The following C4BPB variants were observed in gnomAD, a reference collection of about 807,000 sequenced individuals.
C4BPB encodes complement component 4 binding protein beta, also known as C4b-binding protein beta chain.
A neutral mutation model predicts 26.6 loss-of-function variants in C4BPB; 19 were observed. That is an observed-to-expected ratio of 0.71 (90% CI 0.50 to 1.05). The LOEUF is 1.05. Among genes scored for constraint, C4BPB ranks in the 50% least tolerant of loss-of-function variants. The probability of loss-of-function intolerance (pLI) is 0.00; values close to 1 mark genes in which losing one functional copy is unlikely to be tolerated. For missense variants in C4BPB, 282 were observed against 302.9 expected (o/e 0.93, Z 0.51); for synonymous variants, 118 against 103.5 (o/e 1.14, Z -0.85).
chr1:207,091,138 T>G (rs1364534450), intron 3 of C4BPB, among the ~76,000 whole-genome samples: 1 of 152,218 alleles, frequency 6.6e-6, no homozygotes, highest in African/African-American at 2.4e-5. Context: ...ATTAGTTCTC[T>G]TGTATACCTA....
At position 207,090,388 on chromosome 1, in the gene C4BPB, T is replaced by TAA. The variant is rs746747445; in HGVS notation, c.140_141insAA (p.Tyr47Ter). Reference protein sequence around the residue: ...KEVEGQILGTYVCIKGYHLVG... With the variant: ...KEVEGQILGT ...GGTGGAAGGACAGATTCTGGGGACT[T>TAA]ACGTTTGTATCAAGGGCTACCACCT... Residue 47 changes from tyrosine (Y) to a stop codon, truncating the protein, a stop_gained and frameshift_variant, in exon 3 of 7, where the codon TAC (tyrosine) becomes TAAAC (stop). Transcript: ENST00000367078. LOFTEE classifies it high-confidence loss of function. 1 of 1,614,052 alleles carries TAA rather than the reference T, an allele frequency of 6.2e-7. No individual in the cohort carries two copies.
chr1:207,092,553 T>G (rs17020493), intron 4 of C4BPB, among the ~76,000 whole-genome samples: 6,650 of 152,010 alleles, frequency 0.044, 461 homozygotes, highest in African/African-American at 0.15. Flanking sequence ...TAATATTTTT[T>G]ATATTTGGAA....
At chr1:207,095,586 C>T (rs911972119) in intron 4 of C4BPB, 9 of 366,664 alleles carry the variant, frequency 2.5e-5, no homozygotes, top group South Asian at 1.6e-4. Flanking sequence ...CCTTCAGCCT[C>T]CCAAAGTGCT....
At chr1:207,093,405 A>T (rs1460873340) in intron 4 of C4BPB, among the ~76,000 whole-genome samples, 3 of 152,232 alleles carry the variant, frequency 2.0e-5, no homozygotes, top group African/African-American at 7.2e-5. Flanking sequence ...AGATAGTAAA[A>T]AATACTACAA....
chr1:207,096,703 T>C (rs1558079298), intron 5 of C4BPB, 88 bp downstream of exon 5: 1 of 723,174 alleles, frequency 1.4e-6, no homozygotes, highest in South Asian at 1.8e-5. Flanking sequence ...CACCTGGTCA[T>C]CTGATTTCCT....
intron 4 of C4BPB, chr1:207,095,133 G>C: frequency 2.7e-6 from 1 of 368,740 alleles, no homozygotes; most frequent in Non-Finnish European, 5.3e-6. Flanking sequence ...TCTCAGAGCT[G>C]ACTGGGACCT....
Position 207,089,497 on chromosome 1 carries a change from G to A in C4BPB, c.-35G>A. On this transcript the variant is annotated 5_prime_UTR_variant, in exon 2 of 7. Coordinates refer to ENST00000367078, the MANE Select transcript of C4BPB (RefSeq NM_001017365.3). ...TTCAAACCAGGTGTCTGAGCTGGGT[G>A]AATTCCAGCCTGGGGAGAGGACTTT... 1 of 1,607,050 alleles carries A rather than the reference G, an allele frequency of 6.2e-7. No homozygotes were observed. The highest frequency in any genetic ancestry group is 8.5e-7 in the Non-Finnish European group (1 of 1,173,560).
In C4BPB at chr1:207,099,966, T is replaced by C. The variant is rs138090175; in HGVS notation, c.*37T>C. Reference sequence around the variant, plus strand: ...AGCAGATGTAATAGAAATAAACCTATGAATAAATTTTCTTCTTGGTTCTGA... The same window carrying C: ...AGCAGATGTAATAGAAATAAACCTACGAATAAATTTTCTTCTTGGTTCTGA... On this transcript the variant is annotated 3_prime_UTR_variant, in exon 7 of 7. Coordinates refer to ENST00000367078, the MANE Select transcript of C4BPB (RefSeq NM_001017365.3). 2.2e-3 allele frequency: 3,433 copies of C among 1,564,168 alleles called. 23 individuals are homozygous for C. The highest frequency in any genetic ancestry group is 0.011 in the African/African-American group (807 of 72,520).
intron 6 of C4BPB, among the ~76,000 whole-genome samples, chr1:207,098,490 AC>A (rs1411360279): frequency 3.9e-5 from 6 of 152,094 alleles, no homozygotes; most frequent in Non-Finnish European, 8.8e-5. Context: ...ACCTCATGAG[AC>A]CCTGTTGGTA....
Position 207,089,554 on chromosome 1 carries a change from G to A in C4BPB, c.23G>A (p.Cys8Tyr), listed in dbSNP as rs201791990. ...CAGATGTTTTTTTGGTGTGCGTGCT[G>A]TCTTATGGTTGCGTGGCGAGTTTCT... MFFWCAC[C>Y]LMVAWRVSAS... Residue 8 changes from cysteine to tyrosine, a missense_variant, in exon 2 of 7, where the codon TGT becomes TAT. By Grantham distance (194) the Cys-to-Tyr change is radical. Transcript: ENST00000367078. 6.2e-7 allele frequency: 1 copy of A among 1,614,088 alleles called. No homozygotes were observed. The highest frequency in any genetic ancestry group is 2.2e-5 in the East Asian group (1 of 44,878).
intron 4 of C4BPB, among the ~76,000 whole-genome samples, chr1:207,092,400 C>T (rs1200195990): frequency 1.3e-5 from 2 of 152,010 alleles, no homozygotes; most frequent in Non-Finnish European, 2.9e-5. Flanking sequence ...AAGGGACTTG[C>T]TATACATATT....
chr1:207,091,584 C>T, intron 3 of C4BPB, 60 bp from the exon 4 acceptor site: 1 of 1,424,566 alleles, frequency 7.0e-7, no homozygotes, highest in Non-Finnish European at 9.7e-7. Flanking sequence ...GGAGGTCTGG[C>T]CTTTGCTGTG....
At chr1:207,089,442 T>C in intron 1 of C4BPB, 40 bp from the exon 2 acceptor site, 1 of 1,107,500 alleles carries the variant, frequency 9.0e-7, no homozygotes, top group Non-Finnish European at 1.4e-6. Flanking sequence ...GTTAGGTTGG[T>C]CTTAAGCAGT....
chr1:207,095,569 T>C (rs1684215305), intron 4 of C4BPB: 1 of 378,068 alleles, frequency 2.6e-6, no homozygotes, highest in Non-Finnish European at 5.2e-6. Context: ...CCTCAGGTGA[T>C]CCACCCCCTT....
chr1:207,091,993 G>A, intron 4 of C4BPB, 173 bp downstream of exon 4: 2 of 576,016 alleles, frequency 3.5e-6, no homozygotes, highest in Non-Finnish European at 6.0e-6. Context: ...CTCACCTCAA[G>A]AGAATACATT....
At position 207,090,423 on chromosome 1, in the gene C4BPB, G is replaced by T. The variant is rs764052227; in HGVS notation, c.174G>T (p.Lys58Asn). ...TCAAGGGCTACCACCTGGTAGGAAA[G>T]AAGACCCTTTTTTGCAATGCCTCTA... Reference protein sequence around the residue: ...VCIKGYHLVGKKTLFCNASKE... With the variant: ...VCIKGYHLVGNKTLFCNASKE... The change falls in exon 3 of 7, where the codon AAG becomes AAT. Residue 58 changes from lysine to asparagine, a missense_variant. By Grantham distance (94) the Lys-to-Asn change is moderately conservative (BLOSUM62 0). Transcript: ENST00000367078. 9 of 1,613,976 alleles carry T rather than the reference G, an allele frequency of 5.6e-6. No homozygotes were observed. The highest frequency in any genetic ancestry group is 3.3e-4 in the Middle Eastern group (2 of 6,082).
Position 207,091,763 on chromosome 1 carries a change from C to A in C4BPB, c.352C>A (p.Arg118=), listed in dbSNP as rs142909654. The part of the protein sequence containing the change: ...NDHYILKGSN[R]SQCLEDHTWA... ...CCACTACATCCTCAAGGGCAGCAAT[C>A]GGAGCCAGTGTCTAGAGGACCACAC... Residue 118 remains arginine (R), a synonymous_variant, in exon 4 of 7, where the codon CGG becomes AGG. Coordinates refer to ENST00000367078, the MANE Select transcript of C4BPB (RefSeq NM_001017365.3). 258 of 1,614,114 alleles carry A rather than the reference C, an allele frequency of 1.6e-4. No homozygotes were observed. The Middle Eastern group carries it at 4.6e-3, about 29-fold the overall frequency.
intron 4 of C4BPB, 55 bp from the exon 5 acceptor site, chr1:207,096,467 T>A (rs572678358): frequency 9.6e-7 from 1 of 1,043,996 alleles, no homozygotes; most frequent in South Asian, 1.3e-5. Context: ...AGGGGTGCTG[T>A]TCATTGAGCG....
chr1:207,097,486 G>A (rs920646429), intron 5 of C4BPB, among the ~76,000 whole-genome samples: 2 of 145,410 alleles, frequency 1.4e-5, no homozygotes, highest in Admixed American at 7.0e-5. Flanking sequence ...GTCCTGGAAA[G>A]TGCTGGAATT....
Sources: allele counts gnomAD v4.1 joint callset (sites outside exome capture counted in the v4.1 genomes callset), GRCh38; gene constraint gnomAD v4.1.1; transcripts MANE v1.5; gene names NCBI Gene and HGNC (gene_info 2026-07-23, HGNC 2026-07-21).